VPS45: variants seen among roughly 807,000 people sequenced by gnomAD.
The protein encoded by VPS45 is vacuolar protein sorting-associated protein 45.
A neutral mutation model predicts 75.9 loss-of-function variants in VPS45; 35 were observed. That is an observed-to-expected ratio of 0.46 (90% confidence interval 0.35 to 0.61). VPS45 has a LOEUF of 0.61. Among genes scored for constraint, VPS45 ranks in the 20% least tolerant of loss-of-function variants. The pLI is 0.00. For synonymous variants in VPS45, 220 were observed against 238.2 expected (o/e 0.92, Z 0.70); for missense variants, 559 against 685.9 (o/e 0.81, Z 2.07).
At position 150,118,177 on chromosome 1, in the gene VPS45, G is replaced by A. The variant is rs587723496; in HGVS notation, c.1625+7550G>A. On this transcript the variant is annotated intron_variant, in intron 14 of 14. Transcript: ENST00000644510. ...TGTGTGCCTGTAATCCCAGCTACTC[G>A]GGAGGCTGAGGCACGAGAATCACTT... Among the ~76,000 whole-genome samples the A allele has an allele frequency of 7.3e-5, 11 of 150,192 alleles. No homozygotes were observed. In the South Asian group the frequency reaches 2.1e-3, roughly 29 times the overall value.
intron 13 of VPS45, among the ~76,000 whole-genome samples, chr1:150,102,222 A>G (rs587670666): frequency 1.7e-5 from 2 of 116,228 alleles, no homozygotes; most frequent in South Asian, 3.0e-4. Context: ...TGGGCGACAG[A>G]GTGAGACTCC....
intron 2 of VPS45, among the ~76,000 whole-genome samples, chr1:150,071,262 A>G (rs1187616701): frequency 6.6e-6 from 1 of 152,112 alleles, no homozygotes; most frequent in East Asian, 1.9e-4. Flanking sequence ...GGAATCTTAT[A>G]TTTTGACCAT....
chr1:150,141,760 G>A (rs587653132), intron 14 of VPS45, among the ~76,000 whole-genome samples: 139 of 152,256 alleles, frequency 9.1e-4, no homozygotes, highest in Non-Finnish European at 1.8e-3. Flanking sequence ...TTGTGTATCT[G>A]TCTCTGAGAG....
Position 150,068,629 on chromosome 1 carries a change from G to T in VPS45, c.94-1G>T. ...TTTTAGTTAATCTTTTGTTTTTACA[G>T]ACTGGCATAGTGAGTATGGTATACA... On this transcript the variant is annotated splice_acceptor_variant, in intron 1 of 14. Coordinates refer to ENST00000644510, the MANE Select transcript of VPS45 (RefSeq NM_007259.5). LOFTEE classifies it high-confidence loss of function. 1 of 1,529,974 alleles carries T rather than the reference G, an allele frequency of 6.5e-7. No individual in the cohort carries two copies. Among genetic ancestry groups the T allele is most frequent in the Non-Finnish European group, 8.8e-7 (1 of 1,135,224 alleles). 94.8% of individuals were successfully genotyped at this position (1,529,974 alleles called of 1,614,324 possible).
At chr1:150,088,775 G>A (rs1426915385) in intron 10 of VPS45, among the ~76,000 whole-genome samples, 7 of 152,008 alleles carry the variant, frequency 4.6e-5, no homozygotes, top group Non-Finnish European at 5.9e-5. Context: ...CACCGTGCCC[G>A]ACCTAAATAC....
At chr1:150,068,331 C>T (rs1654841609) in intron 1 of VPS45, 5 of 363,778 alleles carry the variant, frequency 1.4e-5, no homozygotes, top group Admixed American at 4.4e-5. Context: ...TTGTTGGCCA[C>T]AGACCAGAAA....
intron 10 of VPS45, among the ~76,000 whole-genome samples, chr1:150,083,973 A>G (rs1231109729): frequency 6.6e-6 from 1 of 152,176 alleles, no homozygotes; most frequent in Non-Finnish European, 1.5e-5. Context: ...ATGTTTCAAG[A>G]TGAGAATTAA....
chr1:150,095,309 C>T (rs1368016384), intron 13 of VPS45, among the ~76,000 whole-genome samples: 1 of 152,074 alleles, frequency 6.6e-6, no homozygotes, highest in Non-Finnish European at 1.5e-5. Flanking sequence ...TTAAGATGAG[C>T]TTTGAGTCAT....
In VPS45 at chr1:150,092,294, C is replaced by G; in HGVS notation, c.1264-8C>G. 1 of 1,612,712 alleles carries G rather than the reference C, an allele frequency of 6.2e-7. No homozygotes were observed. The highest frequency in any genetic ancestry group is 1.1e-5 in the South Asian group (1 of 90,746). Reference sequence around the variant, plus strand: ...AAGCAATCAAAATTTGCTTCTCTTTCTTAATAGCTCGTGTCTGCAGTTGTT... The same window carrying G: ...AAGCAATCAAAATTTGCTTCTCTTTGTTAATAGCTCGTGTCTGCAGTTGTT... On this transcript the variant is annotated splice_polypyrimidine_tract_variant and splice_region_variant and intron_variant, in intron 11 of 14. Coordinates refer to ENST00000644510, the MANE Select transcript of VPS45 (RefSeq NM_007259.5).
chr1:150,104,873 A>G (rs1421308450), intron 13 of VPS45, among the ~76,000 whole-genome samples: 1 of 152,180 alleles, frequency 6.6e-6, no homozygotes, highest in African/African-American at 2.4e-5. Flanking sequence ...AATTACAGGC[A>G]TAAGCCACCA....
At chr1:150,077,891 A>G (rs370843713) in intron 7 of VPS45, 112 bp downstream of exon 7, 31 of 874,028 alleles carry the variant, frequency 3.5e-5, no homozygotes, top group South Asian at 3.4e-4. Context: ...ATTTTTAGCT[A>G]TTCTTGGTTT....
At chr1:150,113,171 C>A (rs1571883150) in intron 14 of VPS45, among the ~76,000 whole-genome samples, 1 of 152,080 alleles carries the variant, frequency 6.6e-6, no homozygotes, top group African/African-American at 2.4e-5. Flanking sequence ...CTTGGCCTTT[C>A]CGGCAACTAG....
At chr1:150,130,526 A>T (rs1658777732) in intron 14 of VPS45, among the ~76,000 whole-genome samples, 1 of 152,032 alleles carries the variant, frequency 6.6e-6, no homozygotes, top group Non-Finnish European at 1.5e-5. Flanking sequence ...AAGGAAACAT[A>T]CTCTACATGT....
At chr1:150,089,233 A>G (rs1424919964) in intron 10 of VPS45, among the ~76,000 whole-genome samples, 1 of 152,196 alleles carries the variant, frequency 6.6e-6, no homozygotes, top group African/African-American at 2.4e-5. Context: ...AAGTACAGAG[A>G]CAGATCAGCC....
Position 150,103,973 on chromosome 1 carries a change from G to A in VPS45, c.1494-6523G>A, listed in dbSNP as rs587752275. Among the ~76,000 whole-genome samples the A allele has an allele frequency of 2.6e-5, 4 of 152,178 alleles. No individual in the cohort carries two copies. The South Asian group carries it at 8.3e-4, about 32-fold the overall frequency. ...ATTTATTTACTTAAGTAAATAAAAT[G>A]TGTTTATTTGAGTAATCCATTATGC... On this transcript the variant is annotated intron_variant, in intron 13 of 14. Coordinates refer to ENST00000644510, the MANE Select transcript of VPS45 (RefSeq NM_007259.5).
chr1:150,070,110 C>G (rs1470321087), intron 2 of VPS45, among the ~76,000 whole-genome samples: 1 of 152,132 alleles, frequency 6.6e-6, no homozygotes, highest in African/African-American at 2.4e-5. Context: ...TCAAGTAACC[C>G]TTCACTGTTT....
At chr1:150,097,309 C>A (rs1441793304) in intron 13 of VPS45, among the ~76,000 whole-genome samples, 1 of 151,208 alleles carries the variant, frequency 6.6e-6, no homozygotes, top group African/African-American at 2.4e-5. Flanking sequence ...TGGTCTCGAA[C>A]TCCTGACCTC....
Position 150,082,713 on chromosome 1 carries a change from C to A in VPS45, c.937-3C>A. On this transcript the variant is annotated splice_region_variant and splice_polypyrimidine_tract_variant and intron_variant, in intron 9 of 14. Transcript: ENST00000644510. The stretch of plus-strand genomic sequence containing the variant: ...CCTCCCATTGATGTTTTTCCCATGG[C>A]AGGCGTTTGTTGAGAATTATCCACA... 1.2e-6 allele frequency: 2 copies of A among 1,609,784 alleles called. No individual in the cohort carries two copies. The highest frequency in any genetic ancestry group is 1.7e-6 in the Non-Finnish European group (2 of 1,177,788).
At chr1:150,099,832 C>CAAAAAA (rs1241681093) in intron 13 of VPS45, among the ~76,000 whole-genome samples, 1 of 108,508 alleles carries the variant, frequency 9.2e-6, no homozygotes, top group African/African-American at 3.7e-5. Flanking sequence ...GACTCCGTCT[C>CAAAAAA]AAAAAAAAAA....
Sources: allele counts gnomAD v4.1 joint callset (sites outside exome capture counted in the v4.1 genomes callset), GRCh38; gene constraint gnomAD v4.1.1; transcripts MANE v1.5; gene names NCBI Gene and HGNC (gene_info 2026-07-23, HGNC 2026-07-21).